The following SHANK2 variants were observed in gnomAD, a reference collection of about 807,000 sequenced individuals.
SHANK2 encodes the protein SH3 and multiple ankyrin repeat domains 2, also known as SH3 and multiple ankyrin repeat domains protein 2.
SHANK2 carries 43 observed loss-of-function variants against 133.7 expected under a neutral mutation model. That is an observed-to-expected ratio of 0.32 (90% confidence interval 0.25 to 0.41). The LOEUF is 0.41. Among genes scored for constraint, SHANK2 ranks in the 10% least tolerant of loss-of-function variants. SHANK2 has a pLI of 1.00. For missense variants in SHANK2, 1,994 were observed against 2,235.8 expected (o/e 0.89, Z 2.18); for synonymous variants, 1,017 against 952.8 (o/e 1.07, Z -1.24).
At chr11:70,682,412 G>C (rs1284679645) in intron 15 of SHANK2, among the ~76,000 whole-genome samples, 1 of 152,208 alleles carries the variant, frequency 6.6e-6, no homozygotes, top group Non-Finnish European at 1.5e-5. Flanking sequence ...AGGCTGGCGG[G>C]AGGATCACCG....
At chr11:70,660,668 A>G (rs779401420) in intron 16 of SHANK2, among the ~76,000 whole-genome samples, 2 of 152,204 alleles carry the variant, frequency 1.3e-5, no homozygotes, top group South Asian at 4.1e-4. Context: ...GTGTGGAGAT[A>G]AAGATTCCAG....
intron 15 of SHANK2, among the ~76,000 whole-genome samples, chr11:70,674,593 C>T (rs184183425): frequency 6.6e-6 from 1 of 152,352 alleles, no homozygotes; most frequent in African/African-American, 2.4e-5. Context: ...AGGTAATTGG[C>T]CTGCCTCGGC....
At chr11:70,783,703 G>C (rs939281434) in intron 14 of SHANK2, among the ~76,000 whole-genome samples, 7 of 151,896 alleles carry the variant, frequency 4.6e-5, no homozygotes, top group African/African-American at 1.7e-4. Context: ...TCTGGGTGGG[G>C]TTGGGGGTGC....
intron 17 of SHANK2, among the ~76,000 whole-genome samples, chr11:70,619,014 C>T (rs1283424017): frequency 6.6e-6 from 1 of 152,168 alleles, no homozygotes; most frequent in Non-Finnish European, 1.5e-5. Flanking sequence ...AGTCCCTTAC[C>T]CACACCCTTC....
At chr11:70,738,783 T>C (rs1443852033) in intron 14 of SHANK2, among the ~76,000 whole-genome samples, 4 of 152,200 alleles carry the variant, frequency 2.6e-5, no homozygotes, top group African/African-American at 9.7e-5. Flanking sequence ...CGCCCGCCTC[T>C]TTGGAGGGAA....
At position 70,471,575 on chromosome 11, in the gene SHANK2, A is replaced by G. The variant is rs2058598706; in HGVS notation, c.*1294T>C. ...TCCTCACGCCTCTGCTTTCACTCTG[A>G]TCCTGCCGCCCACCTTCTGTTCTCA... On this transcript the variant is annotated 3_prime_UTR_variant, in exon 26 of 26. Transcript: ENST00000601538. The surrounding 1 kb of genome is among the most constrained non-coding windows in gnomAD (Gnocchi z 4.1). The G allele has an allele frequency of 5.1e-6, 2 of 396,020 alleles. No homozygotes were observed. Among genetic ancestry groups the G allele is most frequent in the East Asian group, 7.1e-5 (2 of 27,982 alleles). 24.5% of individuals were successfully genotyped at this position (396,020 alleles called of 1,614,324 possible).
intron 17 of SHANK2, among the ~76,000 whole-genome samples, chr11:70,525,977 C>A (rs1039227913): frequency 1.3e-5 from 2 of 151,822 alleles, no homozygotes; most frequent in Non-Finnish European, 2.9e-5. Context: ...GGAGGACAGG[C>A]CCTGGCATAC....
At chr11:70,654,762 T>C (rs182977239) in intron 17 of SHANK2, among the ~76,000 whole-genome samples, 31 of 150,486 alleles carry the variant, frequency 2.1e-4, no homozygotes, top group African/African-American at 6.5e-4. Context: ...GTTTTGTTTT[T>C]GTTTTTTTTG....
At chr11:71,055,965 T>C (rs996674070) in intron 10 of SHANK2, among the ~76,000 whole-genome samples, 11 of 152,008 alleles carry the variant, frequency 7.2e-5, no homozygotes, top group Admixed American at 6.5e-5. Flanking sequence ...TGATGCTATA[T>C]GTATTTTGCC....
Position 71,118,945 on chromosome 11 carries a change from G to A in SHANK2, c.295C>T (p.Leu99=). 1 of 1,551,768 alleles carries A rather than the reference G, an allele frequency of 6.4e-7. No homozygotes were observed. Among genetic ancestry groups the A allele is most frequent in the East Asian group, 2.4e-5 (1 of 40,922 alleles). Residue 99 remains leucine (L), a synonymous_variant, in exon 4 of 26, where the codon CTG becomes TTG. Transcript: ENST00000601538. The part of the protein sequence containing the change: ...CTLTQSLKDV[L]NYGLFQPASN... ...GCCGGCTGGAACAGGCCGTAGTTCA[G>A]GACATCTTTCAAACTCTGGGTTAAT...
intron 2 of SHANK2, among the ~76,000 whole-genome samples, chr11:71,215,754 G>A (rs962759809): frequency 2.0e-5 from 3 of 152,230 alleles, no homozygotes; most frequent in African/African-American, 2.4e-5. Context: ...CTGCAAACAC[G>A]ATTATTTAGC....
intron 17 of SHANK2, among the ~76,000 whole-genome samples, chr11:70,649,965 A>C (rs2061319855): frequency 6.6e-6 from 1 of 152,128 alleles, no homozygotes; most frequent in Non-Finnish European, 1.5e-5. Context: ...CATGCTGGAG[A>C]TGTAGCAGAG....
At chr11:71,093,462 T>C (rs1424331607) in intron 7 of SHANK2, among the ~76,000 whole-genome samples, 3 of 151,958 alleles carry the variant, frequency 2.0e-5, no homozygotes, top group Non-Finnish European at 4.4e-5. Context: ...TGGGAGGTGA[T>C]GGGTCATGGG....
chr11:70,531,183 A>T (rs1220883418), intron 17 of SHANK2, among the ~76,000 whole-genome samples: 1 of 129,964 alleles, frequency 7.7e-6, no homozygotes, highest in African/African-American at 2.7e-5. Context: ...AAAAAAAAAC[A>T]AAAAGGCTAA....
At chr11:71,066,950 T>A (rs1951070441) in intron 9 of SHANK2, among the ~76,000 whole-genome samples, 1 of 152,246 alleles carries the variant, frequency 6.6e-6, no homozygotes, top group South Asian at 2.1e-4. Flanking sequence ...CCCCAGTCAG[T>A]GGGTTACAGG....
chr11:70,638,101 G>T (rs2061129632), intron 17 of SHANK2, among the ~76,000 whole-genome samples: 2 of 152,196 alleles, frequency 1.3e-5, no homozygotes, highest in African/African-American at 4.8e-5. Flanking sequence ...AGCAATTTGG[G>T]GCTAATTTTC....
intron 14 of SHANK2, among the ~76,000 whole-genome samples, chr11:70,790,894 C>T (rs1947773757): frequency 6.6e-6 from 1 of 152,172 alleles, no homozygotes; most frequent in African/African-American, 2.4e-5. Context: ...GGCAGCGTTT[C>T]TCCATTCTCT....
chr11:71,192,213 T>C (rs551727847), intron 2 of SHANK2, among the ~76,000 whole-genome samples: 22 of 152,308 alleles, frequency 1.4e-4, no homozygotes, highest in African/African-American at 4.8e-4. Flanking sequence ...GGTCCATCCA[T>C]ATGACCCCAA....
intron 11 of SHANK2, among the ~76,000 whole-genome samples, chr11:70,891,791 C>A (rs1189548112): frequency 6.6e-6 from 1 of 152,104 alleles, no homozygotes; most frequent in Admixed American, 6.5e-5. Flanking sequence ...CATGATGGAC[C>A]CTCACCCTGA....
Sources: allele counts gnomAD v4.1 joint callset (sites outside exome capture counted in the v4.1 genomes callset), GRCh38; gene constraint gnomAD v4.1.1; non-coding constraint Gnocchi (gnomAD v3.1); transcripts MANE v1.5; gene names NCBI Gene and HGNC (gene_info 2026-07-23, HGNC 2026-07-21).